Variants in FLNB observed in about 807,000 individuals in gnomAD.
FLNB encodes the protein filamin-B.
A neutral mutation model predicts 250.6 loss-of-function variants in FLNB; 111 were observed. The ratio of observed to expected loss-of-function variants is 0.44; its 90% CI spans 0.38 to 0.52. FLNB has a LOEUF of 0.52. Ranked by LOEUF, FLNB falls within the 20% of genes least tolerant of loss-of-function variation. FLNB has a pLI of 0.00. For synonymous variants in FLNB, 1,302 were observed against 1,372.1 expected (o/e 0.95, Z 1.13); for missense variants, 2,869 against 3,447.8 (o/e 0.83, Z 4.20).
intron 1 of FLNB, among the ~76,000 whole-genome samples, chr3:58,026,379 T>C (rs12629815): frequency 0.75 from 114,188 of 152,092 alleles, 43,932 homozygotes; most frequent in East Asian, 0.95. Context: ...ATGGTGGGGC[T>C]GCCTGCCATC....
At chr3:58,132,211 C>T (rs561376509) in intron 25 of FLNB, 11 of 590,790 alleles carry the variant, frequency 1.9e-5, no homozygotes, top group South Asian at 1.0e-4. Flanking sequence ...CAACCCAACG[C>T]GTGCCTTGAT....
At chr3:58,166,427 C>CA (rs71294708) in intron 43 of FLNB, among the ~76,000 whole-genome samples, 3,284 of 147,538 alleles carry the variant, frequency 0.022, 56 homozygotes, top group Non-Finnish European at 0.031. Flanking sequence ...CCATCTCTAC[C>CA]AAAAAAAAAA....
chr3:58,062,540 A>C (rs1489671612), intron 1 of FLNB, among the ~76,000 whole-genome samples: 1 of 152,176 alleles, frequency 6.6e-6, no homozygotes, highest in Non-Finnish European at 1.5e-5. Flanking sequence ...TAGAAAAAGA[A>C]ATCATGTTAG....
chr3:58,029,562 T>A (rs1482774902), intron 1 of FLNB, among the ~76,000 whole-genome samples: 1 of 151,332 alleles, frequency 6.6e-6, no homozygotes, highest in Non-Finnish European at 1.5e-5. Flanking sequence ...TGGAGTGCAA[T>A]GGCTCGATCT....
At chr3:58,147,646 T>C (rs1411427495) in intron 34 of FLNB, among the ~76,000 whole-genome samples, 1 of 152,164 alleles carries the variant, frequency 6.6e-6, no homozygotes, top group Non-Finnish European at 1.5e-5. Context: ...TGCCTTCAAC[T>C]AACAAAAATT....
intron 40 of FLNB, 111 bp from the exon 41 acceptor site, chr3:58,155,849 G>A (rs1362917145): frequency 1.4e-6 from 1 of 731,874 alleles, no homozygotes; most frequent in Non-Finnish European, 2.4e-6. Context: ...ATCAGCTGTG[G>A]CCATTGAGGA....
chr3:58,122,517 A>C (rs544997590), intron 20 of FLNB, among the ~76,000 whole-genome samples: 1 of 151,554 alleles, frequency 6.6e-6, no homozygotes, highest in Non-Finnish European at 1.5e-5. Context: ...AAAAAAGTTC[A>C]TCGTCATTTC....
At chr3:58,153,274 T>A in intron 38 of FLNB, 101 bp from the exon 39 acceptor site, 1 of 1,383,516 alleles carries the variant, frequency 7.2e-7, no homozygotes, top group Non-Finnish European at 1.0e-6. Flanking sequence ...TCCACCGGGC[T>A]GCACACACCT....
At chr3:58,146,347 A>T (rs1206369459) in intron 33 of FLNB, among the ~76,000 whole-genome samples, 1 of 152,196 alleles carries the variant, frequency 6.6e-6, no homozygotes, top group Admixed American at 6.5e-5. Flanking sequence ...TTGCACATGT[A>T]TCCACAAGAC....
Position 58,008,670 on chromosome 3 carries a change from C to T in FLNB, c.106C>T (p.Arg36Cys). 6.2e-7 allele frequency: 1 copy of T among 1,614,168 alleles called. No homozygotes were observed. Among genetic ancestry groups the T allele is most frequent in the Non-Finnish European group, 8.5e-7 (1 of 1,180,026 alleles). The change falls in exon 1 of 46, where the codon CGC (arginine) becomes TGC (cysteine). Residue 36 changes from arginine (R) to cysteine (C), a missense_variant. Physicochemically the swap from Arg to Cys is radical, Grantham distance 180. Around this residue, in one of 5 missense-constraint regions of FLNB, gnomAD observed 308 missense variants for 466.1 expected, o/e 0.66. Coordinates refer to ENST00000295956, the MANE Select transcript of FLNB (RefSeq NM_001457.4). ...CNEHLKCVNKRIGNLQTDLSD... is the reference protein window; with the variant it reads ...CNEHLKCVNKCIGNLQTDLSD... ...CGAGCACCTCAAGTGCGTGAACAAACGCATCGGCAACCTGCAGACCGACCT... is the reference window on the plus strand; with the variant it reads ...CGAGCACCTCAAGTGCGTGAACAAATGCATCGGCAACCTGCAGACCGACCT...
intron 31 of FLNB, 77 bp from the exon 32 acceptor site, chr3:58,143,396 C>T (rs1396598121): frequency 3.3e-6 from 5 of 1,511,716 alleles, no homozygotes; most frequent in Admixed American, 1.7e-5. Flanking sequence ...ATTTTGAATA[C>T]ATCTGTGCCT....
chr3:58,162,456 A>G (rs1253313535), intron 42 of FLNB: 1 of 152,564 alleles, frequency 6.6e-6, no homozygotes, highest in Non-Finnish European at 1.5e-5. Flanking sequence ...CCTAGCTTTG[A>G]GCTTAATTAA....
chr3:58,042,429 C>T lies in FLNB; in HGVS notation c.292+33573C>T, dbSNP rs141510196. The stretch of plus-strand genomic sequence containing the variant: ...GTGGCATGATCACAGCTCACTGCAG[C>T]CCCCACCTTCCTGGGCTCAGGTGAT... On this transcript the variant is annotated intron_variant, in intron 1 of 45. Coordinates refer to ENST00000295956, the MANE Select transcript of FLNB (RefSeq NM_001457.4). 2.9e-3 allele frequency among the ~76,000 whole-genome samples: 440 copies of T among 151,220 alleles called. 1 individual carries two copies. The highest frequency in any genetic ancestry group is 0.01 in the African/African-American group (421 of 41,104).
At chr3:58,075,899 G>T (rs2097201024) in intron 1 of FLNB, among the ~76,000 whole-genome samples, 1 of 152,114 alleles carries the variant, frequency 6.6e-6, no homozygotes, top group South Asian at 2.1e-4. Flanking sequence ...AGAGAAAGTT[G>T]CAGGGGGTGC....
intron 1 of FLNB, among the ~76,000 whole-genome samples, chr3:58,065,850 A>G (rs2097184790): frequency 6.6e-6 from 1 of 152,228 alleles, no homozygotes; most frequent in African/African-American, 2.4e-5. Context: ...AAGGGTCACG[A>G]GGACCTCCAT....
At chr3:58,140,733 C>T (rs1325327915) in intron 29 of FLNB, among the ~76,000 whole-genome samples, 1 of 152,080 alleles carries the variant, frequency 6.6e-6, no homozygotes, top group Non-Finnish European at 1.5e-5. Flanking sequence ...CTCAGCCTCC[C>T]GAGTAGCTGG....
rs368313408 is a variant in FLNB at position 58,125,626 on chromosome 3, A to G, written c.3944A>G (p.Asn1315Ser). 9.3e-6 allele frequency: 15 copies of G among 1,614,156 alleles called. No individual in the cohort carries two copies. The highest frequency in any genetic ancestry group is 2.7e-5 in the African/African-American group (2 of 75,038). Residue 1315 changes from asparagine (N) to serine (S), a missense_variant, in exon 23 of 46, where the codon AAC (asparagine) becomes AGC (serine). Around this residue, in one of 5 missense-constraint regions of FLNB, gnomAD observed 1,348 missense variants for 1,466.7 expected, o/e 0.92. Transcript: ENST00000295956. ...ACATATGATGACGTGCCTATCCCAA[A>G]CAGTCCCTTCAAGGTGGCTGTCACT... ...EVTYDDVPIPNSPFKVAVTEG... is the reference protein window; with the variant it reads ...EVTYDDVPIPSSPFKVAVTEG...
rs918798763 is a variant in FLNB at position 58,138,593 on chromosome 3, T to G, written c.5109+64T>G. 3.1e-6 allele frequency: 5 copies of G among 1,601,810 alleles called. No homozygotes were observed. The African/African-American group carries it at 6.7e-5, about 21-fold the overall frequency. ...TGGAAACTGTAACAGCTGCCGTTTG[T>G]TGAACCCTGACTAGGATATCCTCTT... On this transcript the variant is annotated intron_variant, in intron 29 of 45. Transcript: ENST00000295956.
At chr3:58,065,014 T>C (rs1160015081) in intron 1 of FLNB, among the ~76,000 whole-genome samples, 1 of 151,994 alleles carries the variant, frequency 6.6e-6, no homozygotes, top group East Asian at 1.9e-4. Context: ...CACTCCAGCT[T>C]GGGTGACAGA....
Sources: gnomAD v4.1 joint callset for allele counts (sites outside exome capture counted in the v4.1 genomes callset) on GRCh38, gnomAD v4.1.1 for gene constraint, gnomAD v4.1.1 regional missense constraint, MANE v1.5 for transcripts, NCBI Gene and HGNC (gene_info 2026-07-23, HGNC 2026-07-21) for gene names.